Variants in ZCCHC24 observed in about 807,000 individuals in gnomAD.
ZCCHC24 encodes zinc finger CCHC-type containing 24.
In ZCCHC24, 10 loss-of-function variants were observed where a neutral mutation model predicts 26.2. The ratio of observed to expected loss-of-function variants is 0.38; its 90% CI spans 0.24 to 0.65. ZCCHC24 has a LOEUF of 0.65. Ranked by LOEUF, ZCCHC24 falls within the 30% of genes least tolerant of loss-of-function variation. The probability of loss-of-function intolerance (pLI) is 0.54; values close to 1 mark genes in which losing one functional copy is unlikely to be tolerated. For synonymous variants in ZCCHC24, 144 were observed against 147.1 expected, an observed-to-expected ratio of 0.98 and a Z score of 0.15; for missense variants, 243 against 329.1, an observed-to-expected ratio of 0.74 and a Z score of 2.03.
At chr10:79,413,535 C>T (rs532707122) in intron 2 of ZCCHC24, among the ~76,000 whole-genome samples, 1 of 152,328 alleles carries the variant, frequency 6.6e-6, no homozygotes, top group African/African-American at 2.4e-5. Context: ...AATCCTGAGT[C>T]ACCGGGCTGG....
intron 3 of ZCCHC24, among the ~76,000 whole-genome samples, chr10:79,388,765 AC>A (rs1205907953): frequency 3.8e-5 from 1 of 26,034 alleles, no homozygotes; most frequent in East Asian, 0.014. Flanking sequence ...AAGTCAGGCC[AC>A]CTAATGTCGC....
intron 2 of ZCCHC24, among the ~76,000 whole-genome samples, chr10:79,424,811 T>C (rs1857003878): frequency 6.6e-6 from 1 of 152,114 alleles, no homozygotes; most frequent in African/African-American, 2.4e-5. Flanking sequence ...CCGGAAAGCA[T>C]ATTCCTGTTA....
chr10:79,440,901 C>T (rs969049493), intron 1 of ZCCHC24, among the ~76,000 whole-genome samples: 8 of 152,170 alleles, frequency 5.3e-5, no homozygotes, highest in African/African-American at 1.4e-4. Context: ...GTCCAGTCAA[C>T]GTAATCTGAC....
intron 2 of ZCCHC24, among the ~76,000 whole-genome samples, chr10:79,402,354 C>T (rs1378925348): frequency 6.6e-6 from 1 of 152,158 alleles, no homozygotes; most frequent in Non-Finnish European, 1.5e-5. Flanking sequence ...CCGCTCACTG[C>T]AAGCTCCACC....
chr10:79,443,512 A>T (rs1266571092), intron 1 of ZCCHC24, among the ~76,000 whole-genome samples: 2 of 152,144 alleles, frequency 1.3e-5, no homozygotes, highest in Non-Finnish European at 2.9e-5. Context: ...AAGCACCCCC[A>T]TCAAATCACC....
intron 3 of ZCCHC24, among the ~76,000 whole-genome samples, chr10:79,388,543 G>C (rs1197736653): frequency 6.6e-6 from 1 of 152,112 alleles, no homozygotes; most frequent in Non-Finnish European, 1.5e-5. Context: ...ACTCTGCTTG[G>C]CTCCCAAAGG....
chr10:79,429,231 G>C (rs561816565), intron 2 of ZCCHC24, among the ~76,000 whole-genome samples: 2 of 152,316 alleles, frequency 1.3e-5, no homozygotes, highest in East Asian at 3.9e-4. Context: ...AGAATAGACA[G>C]ATCTACAGAG....
At chr10:79,444,989 T>A (rs1340953588) in intron 1 of ZCCHC24, among the ~76,000 whole-genome samples, 1 of 152,072 alleles carries the variant, frequency 6.6e-6, no homozygotes, top group Non-Finnish European at 1.5e-5. Flanking sequence ...CAGCCCGGGC[T>A]CAGCCGGGAG....
chr10:79,412,439 T>C (rs1856806100), intron 2 of ZCCHC24, among the ~76,000 whole-genome samples: 1 of 152,200 alleles, frequency 6.6e-6, no homozygotes, highest in Non-Finnish European at 1.5e-5. Flanking sequence ...ACGTACATGG[T>C]GTGGGTGGCT....
Position 79,394,435 on chromosome 10 carries a change from G to T in ZCCHC24, c.453C>A (p.Arg151=). Residue 151 remains arginine, a synonymous_variant, in exon 3 of 4, where the codon CGC becomes CGA. Transcript: ENST00000372336. ...GHYIKDCPQA[R]PKGEGLTPYQ... ...ATGGAGTCAGGCCCTCGCCTTTGGG[G>T]CGTGCCTACAGGGCAGGAAGCAAAC... 1.2e-6 allele frequency: 2 copies of T among 1,613,904 alleles called. No homozygotes were observed. The highest frequency in any genetic ancestry group is 1.1e-5 in the South Asian group (1 of 91,064).
At chr10:79,392,331 C>T (rs908156985) in intron 3 of ZCCHC24, among the ~76,000 whole-genome samples, 3 of 152,174 alleles carry the variant, frequency 2.0e-5, no homozygotes, top group Admixed American at 2.0e-4. Context: ...AGCCAGCTTT[C>T]CCTAGCAGGC....
chr10:79,433,618 C>T (rs920365326), intron 1 of ZCCHC24, among the ~76,000 whole-genome samples: 8 of 152,194 alleles, frequency 5.3e-5, no homozygotes, highest in East Asian at 1.9e-4. Flanking sequence ...CTGAAAGAGG[C>T]GGCCTCCCCA....
intron 2 of ZCCHC24, among the ~76,000 whole-genome samples, chr10:79,398,115 C>G (rs1315144097): frequency 6.6e-6 from 1 of 152,220 alleles, no homozygotes; most frequent in Non-Finnish European, 1.5e-5. Context: ...CCTGCAGGAC[C>G]AGACGTCCTC....
At chr10:79,427,312 G>A (rs1280734050) in intron 2 of ZCCHC24, among the ~76,000 whole-genome samples, 1 of 152,108 alleles carries the variant, frequency 6.6e-6, no homozygotes, top group Non-Finnish European at 1.5e-5. Flanking sequence ...AGCAGGAGGA[G>A]ACATAGACAT....
intron 3 of ZCCHC24, among the ~76,000 whole-genome samples, chr10:79,388,198 AT>A (rs1856426475): frequency 1.3e-5 from 2 of 152,196 alleles, no homozygotes; most frequent in Non-Finnish European, 2.9e-5. Context: ...AGACAACTCA[AT>A]GGAGATAATG....
At position 79,392,808 on chromosome 10, in the gene ZCCHC24, C is replaced by T. The variant is rs79743479; in HGVS notation, c.612+1468G>A. Among the ~76,000 whole-genome samples, 74 of 152,158 alleles carry T rather than the reference C, an allele frequency of 4.9e-4. 2 individuals carry two copies. The highest frequency in any genetic ancestry group is 4.9e-4 in the Non-Finnish European group (33 of 67,876). ...ACTCTCACCCTCATGCCTGACTGGC[C>T]GGGCTTCTGTGCTTCTCAAACCTTG... On this transcript the variant is annotated intron_variant, in intron 3 of 3. Coordinates refer to ENST00000372336, the MANE Select transcript of ZCCHC24 (RefSeq NM_153367.4).
At chr10:79,408,463 C>T (rs1856747098) in intron 2 of ZCCHC24, among the ~76,000 whole-genome samples, 1 of 152,164 alleles carries the variant, frequency 6.6e-6, no homozygotes, top group South Asian at 2.1e-4. Context: ...CTTTGGAGCA[C>T]CAATCACCAC....
intron 1 of ZCCHC24, among the ~76,000 whole-genome samples, chr10:79,438,222 A>G (rs1007227658): frequency 8.5e-5 from 13 of 152,106 alleles, no homozygotes; most frequent in African/African-American, 3.1e-4. Context: ...CACCCCACAG[A>G]CACGCGCACA....
Position 79,403,062 on chromosome 10 carries a change from C to T in ZCCHC24, c.448-8622G>A, listed in dbSNP as rs574540788. Among the ~76,000 whole-genome samples, 3 of 152,222 alleles carry T rather than the reference C, an allele frequency of 2.0e-5. No individual in the cohort carries two copies. The East Asian group carries it at 5.8e-4, about 29-fold the overall frequency. ...TCCAAGGCCTTCCAAAGAAGTCAGC[C>T]CTGTGACCCTTTCCCCAACCGTGAC... On this transcript the variant is annotated intron_variant, in intron 2 of 3. Coordinates refer to ENST00000372336, the MANE Select transcript of ZCCHC24 (RefSeq NM_153367.4).
Sources: gnomAD v4.1 joint callset for allele counts (sites outside exome capture counted in the v4.1 genomes callset) on GRCh38, gnomAD v4.1.1 for gene constraint, MANE v1.5 for transcripts, NCBI Gene and HGNC (gene_info 2026-07-23, HGNC 2026-07-21) for gene names.